RNF150: variants seen among roughly 807,000 people sequenced by gnomAD.
RNF150 encodes ring finger protein 150.
In RNF150, 24 loss-of-function variants were observed where a neutral mutation model predicts 39.3. That is an observed-to-expected ratio of 0.61 (90% CI 0.44 to 0.86). RNF150 has a LOEUF of 0.86. Ranked by LOEUF, RNF150 falls within the 40% of genes least tolerant of loss-of-function variation. RNF150 has a pLI of 0.00. For missense variants in RNF150, 502 were observed against 587.8 expected, an observed-to-expected ratio of 0.85 and a Z score of 1.51; for synonymous variants, 255 against 227.3, an observed-to-expected ratio of 1.12 and a Z score of -1.10.
intron 1 of RNF150, among the ~76,000 whole-genome samples, chr4:141,074,564 T>C (rs766934585): frequency 1.3e-5 from 2 of 151,262 alleles, no homozygotes; most frequent in Non-Finnish European, 2.9e-5. Flanking sequence ...AGGACTAGAG[T>C]AATAAAAGGA....
intron 1 of RNF150, among the ~76,000 whole-genome samples, chr4:141,171,998 A>G (rs1727736565): frequency 6.6e-6 from 1 of 152,234 alleles, no homozygotes; most frequent in Admixed American, 6.5e-5. Context: ...ACCGCATATC[A>G]TATACATTTG....
chr4:141,155,836 C>T (rs1727384933), intron 1 of RNF150, among the ~76,000 whole-genome samples: 1 of 152,136 alleles, frequency 6.6e-6, no homozygotes, highest in Non-Finnish European at 1.5e-5. Context: ...GAAGGGGAGT[C>T]TGGTTGCAGT....
At chr4:141,080,039 A>C (rs1295089003) in intron 1 of RNF150, among the ~76,000 whole-genome samples, 5 of 130,788 alleles carry the variant, frequency 3.8e-5, no homozygotes, top group Non-Finnish European at 8.2e-5. Context: ...GCCAGTGTGC[A>C]TTACACTGAA....
intron 1 of RNF150, among the ~76,000 whole-genome samples, chr4:141,149,077 A>G (rs761239510): frequency 3.3e-5 from 5 of 152,174 alleles, no homozygotes; most frequent in Non-Finnish European, 5.9e-5. Context: ...AGTCAAGTAA[A>G]TATTCTTTAG....
intron 1 of RNF150, among the ~76,000 whole-genome samples, chr4:140,973,152 A>G (rs1733527620): frequency 6.6e-6 from 1 of 152,202 alleles, no homozygotes; most frequent in Admixed American, 6.5e-5. Flanking sequence ...CCATCAAGTA[A>G]GTGATGAGAA....
Position 141,132,768 on chromosome 4 carries a change from A to T in RNF150, c.41T>A (p.Leu14His). ...ACAAAAGGAAAGCAGCCATGTTGAG[A>T]GAGCCAGACTGCAGCACGCTTGGAT... ...SLIQACCSLA[L>H]STWLLSFCFV... The change falls in exon 1 of 7, where the codon CTC becomes CAC. Residue 14 changes from leucine (L) to histidine (H), a missense_variant. Coordinates refer to ENST00000515673, the MANE Select transcript of RNF150 (RefSeq NM_020724.2). This position sits in a 1 kb window ranked among gnomAD's most constrained non-coding sequence, Gnocchi z 4.9. The T allele has an allele frequency of 6.2e-7, 1 of 1,610,004 alleles. No individual in the cohort carries two copies. Among genetic ancestry groups the T allele is most frequent in the Non-Finnish European group, 8.5e-7 (1 of 1,178,312 alleles).
At chr4:140,977,767 G>A (rs969990731) in intron 1 of RNF150, among the ~76,000 whole-genome samples, 3 of 152,174 alleles carry the variant, frequency 2.0e-5, no homozygotes, top group Middle Eastern at 3.4e-3. Flanking sequence ...CGCCATTAGC[G>A]TTTTCATACA....
intron 1 of RNF150, among the ~76,000 whole-genome samples, chr4:141,022,851 T>A (rs2110792082): frequency 6.6e-6 from 1 of 152,332 alleles, no homozygotes; most frequent in Middle Eastern, 3.4e-3. Flanking sequence ...TTATTGATGA[T>A]GTTGCTTTAC....
At chr4:140,868,809 A>C (rs1379630241) in intron 6 of RNF150, among the ~76,000 whole-genome samples, 1 of 152,222 alleles carries the variant, frequency 6.6e-6, no homozygotes. Flanking sequence ...ACATATAGAA[A>C]GCTTTTAAAT....
intron 1 of RNF150, among the ~76,000 whole-genome samples, chr4:141,143,164 C>T (rs921991721): frequency 6.6e-6 from 1 of 152,176 alleles, no homozygotes; most frequent in Non-Finnish European, 1.5e-5. Flanking sequence ...GCCACCGCGC[C>T]TGGTCAGGTA....
intron 1 of RNF150, among the ~76,000 whole-genome samples, chr4:141,151,409 GACACACACACACACACACACAC>G (rs869289733): frequency 1.6e-3 from 198 of 121,994 alleles, no homozygotes; most frequent in African/African-American, 5.4e-3. Flanking sequence ...CATCTCTACA[GACACACACACACACACACACAC>G]ACACACACAC....
intron 5 of RNF150, among the ~76,000 whole-genome samples, chr4:140,920,234 A>G (rs1731052709): frequency 2.0e-5 from 3 of 148,320 alleles, no homozygotes; most frequent in East Asian, 2.0e-4. Flanking sequence ...AGAAACTACC[A>G]TCAGAGTGAA....
At chr4:140,873,848 G>A (rs1315823365) in intron 6 of RNF150, among the ~76,000 whole-genome samples, 6 of 151,972 alleles carry the variant, frequency 3.9e-5, no homozygotes, top group African/African-American at 1.4e-4. Context: ...GCTAATTTTT[G>A]CATTTTTTGT....
chr4:141,144,631 C>T (rs766131055), intron 1 of RNF150, among the ~76,000 whole-genome samples: 15 of 152,152 alleles, frequency 9.9e-5, no homozygotes, highest in Middle Eastern at 3.4e-3. Flanking sequence ...GGAACAAAAA[C>T]GACTCCTCCC....
chr4:141,162,680 G>T (rs1252572051), intron 1 of RNF150, among the ~76,000 whole-genome samples: 1 of 152,008 alleles, frequency 6.6e-6, no homozygotes, highest in Non-Finnish European at 1.5e-5. Context: ...GTGGGGTGTT[G>T]CCTCACCCAG....
At chr4:140,934,458 A>G (rs1228967579) in intron 4 of RNF150, among the ~76,000 whole-genome samples, 20 of 152,168 alleles carry the variant, frequency 1.3e-4, no homozygotes. Context: ...TAGAGCAAAA[A>G]AGAAAAAAAA....
upstream of RNF150, among the ~76,000 whole-genome samples, chr4:141,137,118 T>A (rs1207112574): frequency 6.6e-6 from 1 of 152,140 alleles, no homozygotes; most frequent in Admixed American, 6.5e-5. Context: ...AGGATGGAGA[T>A]GAAAGTAGAA....
At chr4:140,911,665 TG>T (rs1283867058) in intron 5 of RNF150, among the ~76,000 whole-genome samples, 8 of 152,160 alleles carry the variant, frequency 5.3e-5, no homozygotes, top group Non-Finnish European at 7.4e-5. Flanking sequence ...GGGGAATATG[TG>T]AAATTTATTT....
At chr4:141,058,785 T>C (rs1238694748) in intron 1 of RNF150, among the ~76,000 whole-genome samples, 1 of 152,184 alleles carries the variant, frequency 6.6e-6, no homozygotes, top group Non-Finnish European at 1.5e-5. Context: ...TGTTAACCAT[T>C]AGGTTTTCCC....
Sources: allele counts gnomAD v4.1 joint callset (sites outside exome capture counted in the v4.1 genomes callset), GRCh38; gene constraint gnomAD v4.1.1; non-coding constraint Gnocchi (gnomAD v3.1); transcripts MANE v1.5; gene names NCBI Gene and HGNC (gene_info 2026-07-23, HGNC 2026-07-21).